The following CDH13 variants were observed in gnomAD, a reference collection of about 807,000 sequenced individuals.
CDH13 encodes the protein cadherin 13, also known as cadherin-13.
A neutral mutation model predicts 63.8 loss-of-function variants in CDH13; 24 were observed. The observed-to-expected ratio is 0.38, with a 90% confidence interval of 0.27 to 0.53. The LOEUF (loss-of-function observed/expected upper bound fraction) is 0.53, where lower values mean the gene tolerates loss of function less well. CDH13 is among the 20% of genes least tolerant of loss of function. The pLI is 0.85. For missense variants in CDH13, 1,049 were observed against 903.1 expected (o/e 1.16, Z -2.07); for synonymous variants, 503 against 355.3 (o/e 1.42, Z -4.67).
intron 1 of CDH13, among the ~76,000 whole-genome samples, chr16:82,817,513 A>G (rs1483380786): frequency 2.0e-5 from 3 of 152,184 alleles, no homozygotes; most frequent in Non-Finnish European, 1.5e-5. Flanking sequence ...ATATATACAT[A>G]CAAATATAGA....
chr16:83,305,203 G>T (rs1340742787), intron 5 of CDH13, among the ~76,000 whole-genome samples: 1 of 152,146 alleles, frequency 6.6e-6, no homozygotes. Flanking sequence ...TCATTTGTAG[G>T]CATCCTCATT....
intron 2 of CDH13, among the ~76,000 whole-genome samples, chr16:82,920,805 G>A (rs1160733901): frequency 6.6e-6 from 1 of 152,174 alleles, no homozygotes; most frequent in Non-Finnish European, 1.5e-5. Context: ...TGTTTCTGAT[G>A]TTAAGTGGAA....
intron 6 of CDH13, among the ~76,000 whole-genome samples, chr16:83,447,525 C>G (rs184707138): frequency 1.3e-5 from 2 of 152,032 alleles, no homozygotes; most frequent in African/African-American, 4.8e-5. Context: ...ACCCAAAGAG[C>G]AGATAAACAC....
At chr16:82,984,802 T>A (rs568583532) in intron 2 of CDH13, among the ~76,000 whole-genome samples, 73 of 152,304 alleles carry the variant, frequency 4.8e-4, no homozygotes, top group African/African-American at 1.6e-3. Flanking sequence ...ACACACATAC[T>A]ATGCTATGTG....
intron 10 of CDH13, among the ~76,000 whole-genome samples, chr16:83,724,753 C>T (rs1051643069): frequency 2.6e-5 from 4 of 152,176 alleles, no homozygotes; most frequent in Non-Finnish European, 5.9e-5. Context: ...GTGTCAGCGT[C>T]AGGAGCAAGA....
intron 1 of CDH13, among the ~76,000 whole-genome samples, chr16:82,851,452 A>T (rs1339658671): frequency 6.9e-6 from 1 of 145,940 alleles, no homozygotes; most frequent in Non-Finnish European, 1.5e-5. Flanking sequence ...AAATAAAAAG[A>T]AAAAGAAAAA....
chr16:83,221,898 A>G (rs2039711597), intron 5 of CDH13, among the ~76,000 whole-genome samples: 1 of 152,154 alleles, frequency 6.6e-6, no homozygotes, highest in Non-Finnish European at 1.5e-5. Flanking sequence ...AATTCCCTAG[A>G]TCCCTGACAT....
chr16:83,233,987 C>T (rs1273646622), intron 5 of CDH13, among the ~76,000 whole-genome samples: 1 of 152,180 alleles, frequency 6.6e-6, no homozygotes, highest in African/African-American at 2.4e-5. Flanking sequence ...CCTTTGACCC[C>T]AGCTATTGTC....
chr16:83,148,728 G>A (rs1231437036), intron 4 of CDH13, among the ~76,000 whole-genome samples: 1 of 152,160 alleles, frequency 6.6e-6, no homozygotes, highest in South Asian at 2.1e-4. Context: ...AGGAGTTTTA[G>A]CAGGCAGGTG....
chr16:83,018,150 G>A (rs1057117969), intron 2 of CDH13, among the ~76,000 whole-genome samples: 2 of 152,130 alleles, frequency 1.3e-5, no homozygotes, highest in Non-Finnish European at 1.5e-5. Flanking sequence ...TTTGCACTAT[G>A]GGTGGCTCAG....
intron 3 of CDH13, among the ~76,000 whole-genome samples, chr16:83,087,031 G>T (rs1348065987): frequency 1.3e-5 from 2 of 152,254 alleles, no homozygotes; most frequent in East Asian, 1.9e-4. Context: ...GCGGACTAAG[G>T]CTACCAAAGA....
At chr16:83,231,318 G>A (rs528282360) in intron 5 of CDH13, among the ~76,000 whole-genome samples, 1 of 152,174 alleles carries the variant, frequency 6.6e-6, no homozygotes, top group Non-Finnish European at 1.5e-5. Context: ...GAGCATCTGT[G>A]CGTTGGCAAA....
intron 6 of CDH13, among the ~76,000 whole-genome samples, chr16:83,363,982 T>C (rs572323417): frequency 6.6e-6 from 1 of 152,224 alleles, no homozygotes; most frequent in South Asian, 2.1e-4. Context: ...GCCATGACAT[T>C]AATACTTCTT....
At chr16:83,456,313 A>G (rs1000601260) in intron 6 of CDH13, among the ~76,000 whole-genome samples, 1 of 152,230 alleles carries the variant, frequency 6.6e-6, no homozygotes, top group African/African-American at 2.4e-5. Flanking sequence ...ACCTAGAGAC[A>G]GGAAAGGGAC....
chr16:83,474,403 A>G (rs930923375), intron 6 of CDH13, among the ~76,000 whole-genome samples: 2 of 152,152 alleles, frequency 1.3e-5, no homozygotes, highest in Non-Finnish European at 2.9e-5. Context: ...CATTCCAAGG[A>G]TTCCACTCTC....
chr16:83,447,775 AT>A (rs553121903), intron 6 of CDH13, among the ~76,000 whole-genome samples: 1 of 149,382 alleles, frequency 6.7e-6, no homozygotes. Flanking sequence ...ATATTGATTT[AT>A]TTTTTATAAT....
intron 10 of CDH13, chr16:83,710,071 G>T (rs961233165): frequency 2.0e-5 from 3 of 152,264 alleles, no homozygotes; most frequent in Admixed American, 6.5e-5. Context: ...ATTTCAGGGG[G>T]TGCGAGGGGA....
Position 83,180,162 on chromosome 16 carries a change from G to A in CDH13, c.484-37183G>A, listed in dbSNP as rs62036637. Among the ~76,000 whole-genome samples the A allele has an allele frequency of 2.3e-5, 3 of 132,968 alleles. No individual in the cohort carries two copies. In the South Asian group the frequency reaches 6.8e-4, roughly 30 times the overall value. 87.2% of individuals were successfully genotyped at this position (132,968 alleles called of 152,430 possible). On this transcript the variant is annotated intron_variant, in intron 4 of 13. Coordinates refer to ENST00000567109, the MANE Select transcript of CDH13 (RefSeq NM_001257.5). ...AGGTTTTTTTTGTTGTTGTTGGTTT[G>A]TTTGTTTGTTTTTTTTATTAGGAAA...
intron 1 of CDH13, among the ~76,000 whole-genome samples, chr16:82,672,461 C>G (rs1319812833): frequency 6.6e-6 from 1 of 152,102 alleles, no homozygotes; most frequent in South Asian, 2.1e-4. Flanking sequence ...TTTAGTCCCT[C>G]CCTAATCACT....
Sources: gnomAD v4.1 joint callset for allele counts (sites outside exome capture counted in the v4.1 genomes callset) on GRCh38, gnomAD v4.1.1 for gene constraint, MANE v1.5 for transcripts, NCBI Gene and HGNC (gene_info 2026-07-23, HGNC 2026-07-21) for gene names.